Variants in CTNND2 observed in about 807,000 individuals in gnomAD.
CTNND2 encodes the protein catenin delta 2, also known as catenin delta-2.
A neutral mutation model predicts 144.4 loss-of-function variants in CTNND2; 22 were observed. That is an observed-to-expected ratio of 0.15 (90% CI 0.11 to 0.22). The LOEUF is 0.22. Ranked by LOEUF, CTNND2 falls within the 10% of genes least tolerant of loss-of-function variation. CTNND2 has a pLI of 1.00. For synonymous variants in CTNND2, 751 were observed against 695.6 expected (o/e 1.08, Z -1.25); for missense variants, 1,353 against 1,618.8 (o/e 0.84, Z 2.82).
intron 11 of CTNND2, among the ~76,000 whole-genome samples, chr5:11,199,211 G>C (rs1737178374): frequency 6.6e-6 from 1 of 152,208 alleles, no homozygotes; most frequent in South Asian, 2.1e-4. Context: ...GACAAAAACT[G>C]TTCATGATCA....
intron 9 of CTNND2, among the ~76,000 whole-genome samples, chr5:11,337,660 G>A (rs27451): frequency 0.29 from 43,716 of 151,946 alleles, 6,530 homozygotes; most frequent in South Asian, 0.36. Context: ...TAAACTTAAA[G>A]CATAATGACA....
At chr5:11,251,981 G>A (rs1335396621) in intron 9 of CTNND2, among the ~76,000 whole-genome samples, 2 of 152,098 alleles carry the variant, frequency 1.3e-5, no homozygotes, top group Admixed American at 1.3e-4. Flanking sequence ...GAAAACATCA[G>A]CATTTAGAAT....
intron 2 of CTNND2, among the ~76,000 whole-genome samples, chr5:11,716,196 C>T (rs1786341290): frequency 6.6e-6 from 1 of 152,156 alleles, no homozygotes; most frequent in Non-Finnish European, 1.5e-5. Context: ...TTCCTTTATA[C>T]CAGGTCTGAT....
intron 1 of CTNND2, among the ~76,000 whole-genome samples, chr5:11,845,928 T>C (rs1363137561): frequency 6.6e-6 from 1 of 152,150 alleles, no homozygotes; most frequent in Non-Finnish European, 1.5e-5. Context: ...ACATCTAAAA[T>C]GTAACCCCCG....
chr5:11,851,530 A>C (rs1795013804), intron 1 of CTNND2, among the ~76,000 whole-genome samples: 1 of 152,234 alleles, frequency 6.6e-6, no homozygotes, highest in Non-Finnish European at 1.5e-5. Context: ...CCACAGGAGC[A>C]GCTGGCTTTA....
intron 2 of CTNND2, among the ~76,000 whole-genome samples, chr5:11,607,889 G>A (rs1411253458): frequency 6.6e-6 from 1 of 152,148 alleles, no homozygotes; most frequent in Non-Finnish European, 1.5e-5. Context: ...CAAGGAATGT[G>A]TTTCACGTTG....
intron 2 of CTNND2, among the ~76,000 whole-genome samples, chr5:11,607,004 C>T (rs1359274898): frequency 6.6e-6 from 1 of 152,166 alleles, no homozygotes; most frequent in Non-Finnish European, 1.5e-5. Flanking sequence ...TGACCAGCAT[C>T]CTTGTAAAAA....
intron 3 of CTNND2, among the ~76,000 whole-genome samples, chr5:11,474,344 T>G (rs751160356): frequency 3.9e-5 from 6 of 152,214 alleles, no homozygotes; most frequent in Non-Finnish European, 5.9e-5. Context: ...AAAGATCTTC[T>G]AATCTAGTTA....
chr5:11,820,757 C>A (rs775428603), intron 1 of CTNND2, among the ~76,000 whole-genome samples: 9 of 152,140 alleles, frequency 5.9e-5, no homozygotes, highest in Non-Finnish European at 8.8e-5. Context: ...GTCTGTTGAA[C>A]AAGTTGAGTA....
intron 17 of CTNND2, among the ~76,000 whole-genome samples, chr5:11,020,703 A>C (rs894407357): frequency 6.6e-6 from 1 of 152,116 alleles, no homozygotes; most frequent in African/African-American, 2.4e-5. Context: ...AGTTATAAAA[A>C]CCTTGTTTTG....
intron 1 of CTNND2, among the ~76,000 whole-genome samples, chr5:11,783,630 A>C (rs527928566): frequency 7.9e-5 from 12 of 152,302 alleles, no homozygotes; most frequent in African/African-American, 2.6e-4. Flanking sequence ...AAGATGAAAT[A>C]ATAATGCATA....
intron 6 of CTNND2, among the ~76,000 whole-genome samples, chr5:11,393,630 A>G (rs892757318): frequency 6.6e-6 from 1 of 152,216 alleles, no homozygotes; most frequent in Non-Finnish European, 1.5e-5. Flanking sequence ...AAACCAGCAC[A>G]GAATAATTAT....
At chr5:11,494,438 C>T (rs1225572727) in intron 3 of CTNND2, among the ~76,000 whole-genome samples, 4 of 151,940 alleles carry the variant, frequency 2.6e-5, no homozygotes, top group Non-Finnish European at 5.9e-5. Flanking sequence ...TATAATATGG[C>T]TCAAGTACCA....
chr5:11,048,032 C>T lies in CTNND2; in HGVS notation c.2789-25053G>A, dbSNP rs147355208. ...TCCTCCCAAAGCTGCTTCTGCTGGC[C>T]GCTTCACCATCCCCAAATCCTGGCA... On this transcript the variant is annotated intron_variant, in intron 16 of 21. Coordinates refer to ENST00000304623, the MANE Select transcript of CTNND2 (RefSeq NM_001332.4). 7.2e-5 allele frequency among the ~76,000 whole-genome samples: 11 copies of T among 152,260 alleles called. No homozygotes were observed. In the East Asian group the frequency reaches 1.5e-3, roughly 21 times the overall value.
At chr5:11,092,387 T>C (rs1007504943) in intron 15 of CTNND2, among the ~76,000 whole-genome samples, 2 of 152,232 alleles carry the variant, frequency 1.3e-5, no homozygotes, top group African/African-American at 2.4e-5. Context: ...CTAAAATTAA[T>C]GCAAAACTAT....
chr5:11,228,488 ATT>A (rs1216853512), intron 10 of CTNND2, among the ~76,000 whole-genome samples: 3 of 131,934 alleles, frequency 2.3e-5, no homozygotes, highest in African/African-American at 2.8e-5. Flanking sequence ...CAGGTTATGG[ATT>A]TTTTTTTTTT....
intron 1 of CTNND2, among the ~76,000 whole-genome samples, chr5:11,885,378 C>T (rs983405369): frequency 2.6e-5 from 4 of 152,006 alleles, no homozygotes; most frequent in Non-Finnish European, 5.9e-5. Flanking sequence ...ATAGAAACCA[C>T]AAAAGAGCAG....
Position 10,978,504 on chromosome 5 carries a change from G to T in CTNND2, c.3417+3269C>A, listed in dbSNP as rs972127204. On this transcript the variant is annotated intron_variant, in intron 21 of 21. Transcript: ENST00000304623. ...CCTTGGAAATACTTTTTGGGGAGGG[G>T]GGGGAACCCTCTCTTTGGTGGACGT... 3.9e-5 allele frequency among the ~76,000 whole-genome samples: 6 copies of T among 152,250 alleles called. No individual in the cohort carries two copies. The South Asian group carries it at 8.3e-4, about 21-fold the overall frequency.
chr5:11,804,836 C>T (rs1001323854), intron 1 of CTNND2, among the ~76,000 whole-genome samples: 2 of 152,062 alleles, frequency 1.3e-5, no homozygotes, highest in Non-Finnish European at 2.9e-5. Flanking sequence ...AATGTATGTA[C>T]ATTTTAAAAA....
Sources: allele counts gnomAD v4.1 joint callset (sites outside exome capture counted in the v4.1 genomes callset), GRCh38; gene constraint gnomAD v4.1.1; transcripts MANE v1.5; gene names NCBI Gene and HGNC (gene_info 2026-07-23, HGNC 2026-07-21).